Variants in EYS observed in about 807,000 individuals in gnomAD.
EYS encodes EGF-like photoreceptor maintenance factor.
In EYS, 250 loss-of-function variants were observed where a neutral mutation model predicts 282.1. That is an observed-to-expected ratio of 0.89 (90% CI 0.80 to 0.98). EYS has a LOEUF of 0.98. Among genes scored for constraint, EYS ranks in the 50% least tolerant of loss-of-function variants. The pLI is 0.00. For synonymous variants in EYS, 1,355 were observed against 1,282.9 expected, an observed-to-expected ratio of 1.06 and a Z score of -1.20; for missense variants, 4,016 against 3,709.0, an observed-to-expected ratio of 1.08 and a Z score of -2.15.
At chr6:65,097,002 A>C (rs993897982) in intron 12 of EYS, among the ~76,000 whole-genome samples, 1 of 151,064 alleles carries the variant, frequency 6.6e-6, no homozygotes, top group Non-Finnish European at 1.5e-5. Context: ...AAGAATTATG[A>C]CTACATCAAA....
intron 33 of EYS, among the ~76,000 whole-genome samples, chr6:64,056,897 C>G (rs1771004895): frequency 6.6e-6 from 1 of 152,138 alleles, no homozygotes; most frequent in Non-Finnish European, 1.5e-5. Flanking sequence ...GTCCTGCAAT[C>G]TCCTCCTTTT....
Position 64,766,649 on chromosome 6 carries a change from A to ATATATATATAT in EYS, c.3443+46728_3443+46729insATATATATATA, listed in dbSNP as rs1554201272. ...TCCGTCTCAAAAAAAAAAAAAAAAA[A>ATATATATATAT]ATATATATATATATATATATATATA... is the stretch of plus-strand genomic sequence containing the variant. On this transcript the variant is annotated intron_variant, in intron 22 of 42. Coordinates refer to ENST00000503581, the MANE Select transcript of EYS (RefSeq NM_001142800.2). 2.7e-3 allele frequency among the ~76,000 whole-genome samples: 52 copies of ATATATATATAT among 19,034 alleles called. 2 individuals are homozygous for ATATATATATAT. Among genetic ancestry groups the ATATATATATAT allele is most frequent in the Non-Finnish European group, 4.5e-3 (44 of 9,706 alleles). 12.5% of individuals were successfully genotyped at this position (19,034 alleles called of 152,430 possible).
At chr6:64,715,939 G>A (rs1771376504) in intron 22 of EYS, among the ~76,000 whole-genome samples, 1 of 152,162 alleles carries the variant, frequency 6.6e-6, no homozygotes, top group African/African-American at 2.4e-5. Context: ...AGAAATCTCT[G>A]GAGTGGCTCT....
intron 35 of EYS, among the ~76,000 whole-genome samples, chr6:63,884,869 A>G (rs997934766): frequency 6.6e-6 from 1 of 152,080 alleles, no homozygotes; most frequent in Non-Finnish European, 1.5e-5. Flanking sequence ...TTTTTAGTGA[A>G]AATTGTGTAT....
intron 2 of EYS, among the ~76,000 whole-genome samples, chr6:65,545,825 A>G (rs2127325866): frequency 6.6e-6 from 1 of 152,278 alleles, no homozygotes; most frequent in South Asian, 2.1e-4. Context: ...TGGAAGATCC[A>G]GTGCTGAATA....
At chr6:64,247,257 T>A (rs1363204338) in intron 30 of EYS, among the ~76,000 whole-genome samples, 1 of 152,072 alleles carries the variant, frequency 6.6e-6, no homozygotes, top group African/African-American at 2.4e-5. Flanking sequence ...GTAATCAAGG[T>A]GACATAATTA....
chr6:65,624,512 G>T (rs1174143815), intron 2 of EYS, among the ~76,000 whole-genome samples: 1 of 152,106 alleles, frequency 6.6e-6, no homozygotes, highest in Non-Finnish European at 1.5e-5. Flanking sequence ...TTGGATCGAA[G>T]GATGCAAAGT....
chr6:64,610,894 C>A (rs1027880010), intron 24 of EYS, among the ~76,000 whole-genome samples: 1 of 152,112 alleles, frequency 6.6e-6, no homozygotes, highest in Non-Finnish European at 1.5e-5. Context: ...TCTCCTCCCC[C>A]AAAACCCTCA....
chr6:65,397,524 C>T (rs1766328147), intron 7 of EYS, among the ~76,000 whole-genome samples: 1 of 151,262 alleles, frequency 6.6e-6, no homozygotes, highest in Non-Finnish European at 1.5e-5. Flanking sequence ...TCTCCAGTTC[C>T]ATCCGTGCTA....
At chr6:65,350,431 T>C (rs1054345990) in intron 9 of EYS, among the ~76,000 whole-genome samples, 14 of 151,586 alleles carry the variant, frequency 9.2e-5, no homozygotes, top group African/African-American at 3.4e-4. Context: ...AGTAAATATT[T>C]GTTTGCAATA....
intron 12 of EYS, among the ~76,000 whole-genome samples, chr6:65,091,453 A>AAATAAATAAATG (rs1420079012): frequency 8.5e-5 from 5 of 58,716 alleles, no homozygotes; most frequent in African/African-American, 4.8e-4. Context: ...ACATCTCAAG[A>AAATAAATAAATG]AATAAATAAA....
intron 1 of EYS, among the ~76,000 whole-genome samples, chr6:65,691,814 C>T (rs1359596433): frequency 6.7e-6 from 1 of 150,270 alleles, no homozygotes; most frequent in Non-Finnish European, 1.5e-5. Context: ...AGCCAATTTT[C>T]CCAACACCAT....
chr6:65,344,003 G>GAA, intron 10 of EYS, 35 bp downstream of exon 10: 12 of 1,583,492 alleles, frequency 7.6e-6, no homozygotes, highest in Non-Finnish European at 1.0e-5. Context: ...AAGCTAAAGA[G>GAA]AAAAATGAAA....
rs5876981 is a variant in EYS, at chr6:65,631,475, G to GAA, written c.-333+8301_-333+8302dup. On this transcript the variant is annotated intron_variant, in intron 2 of 42. Transcript: ENST00000503581. ...CTATAATGGACACCTAACATGAATG[G>GAA]AAAAAAAAAAAAAAATCCTGTGTTG... Among the ~76,000 whole-genome samples the GAA allele has an allele frequency of 9.2e-3, 1,316 of 143,328 alleles. 15 individuals carry two copies. The highest frequency in any genetic ancestry group is 0.014 in the Non-Finnish European group (894 of 65,318). The allele number at this position is 143,328 out of a possible 152,430, so 94.0% of individuals were successfully genotyped here.
chr6:64,298,404 C>T (rs573359996), intron 30 of EYS, among the ~76,000 whole-genome samples: 1 of 151,916 alleles, frequency 6.6e-6, no homozygotes, highest in Non-Finnish European at 1.5e-5. Flanking sequence ...TAATTTTGTG[C>T]CATCAACAAT....
chr6:63,969,265 T>G (rs1021247105), intron 35 of EYS, among the ~76,000 whole-genome samples: 5 of 152,170 alleles, frequency 3.3e-5, no homozygotes, highest in Non-Finnish European at 5.9e-5. Flanking sequence ...CTGACCTGAG[T>G]ATGGATGTTT....
At chr6:64,238,578 A>C (rs2150341907) in intron 30 of EYS, among the ~76,000 whole-genome samples, 1 of 152,250 alleles carries the variant, frequency 6.6e-6, no homozygotes, top group East Asian at 1.9e-4. Flanking sequence ...AATGTCCATT[A>C]TACCACTCTG....
At chr6:65,285,874 G>T (rs1176890091) in intron 12 of EYS, among the ~76,000 whole-genome samples, 1 of 151,788 alleles carries the variant, frequency 6.6e-6, no homozygotes, top group Non-Finnish European at 1.5e-5. Context: ...AAGTTCCCCA[G>T]GTATTGTAGG....
chr6:65,328,278 G>T (rs1769680047), intron 11 of EYS, among the ~76,000 whole-genome samples: 1 of 151,288 alleles, frequency 6.6e-6, no homozygotes, highest in Non-Finnish European at 1.5e-5. Context: ...TACTCTCCCT[G>T]AAAATTACTG....
Sources: allele counts gnomAD v4.1 joint callset (sites outside exome capture counted in the v4.1 genomes callset), GRCh38; gene constraint gnomAD v4.1.1; transcripts MANE v1.5; gene names NCBI Gene and HGNC (gene_info 2026-07-23, HGNC 2026-07-21).